The following ESRRG variants were observed in gnomAD, a reference collection of about 807,000 sequenced individuals.
The protein encoded by ESRRG is estrogen related receptor gamma.
A neutral mutation model predicts 44.0 loss-of-function variants in ESRRG; 13 were observed. The observed-to-expected ratio is 0.30, with a 90% CI of 0.19 to 0.47. ESRRG has a LOEUF of 0.47. Ranked by LOEUF, ESRRG falls within the 20% of genes least tolerant of loss-of-function variation. The probability of loss-of-function intolerance (pLI) is 1.00; values close to 1 mark genes in which losing one functional copy is unlikely to be tolerated. For synonymous variants in ESRRG, 215 were observed against 214.6 expected, an observed-to-expected ratio of 1.00 and a Z score of -0.02; for missense variants, 395 against 580.6, an observed-to-expected ratio of 0.68 and a Z score of 3.29.
intron 2 of ESRRG, among the ~76,000 whole-genome samples, chr1:216,770,451 A>G (rs1032993961): frequency 2.6e-5 from 4 of 152,072 alleles, no homozygotes; most frequent in Non-Finnish European, 4.4e-5. Context: ...AGCATGAGCC[A>G]AGGCCTTTTA....
intron 2 of ESRRG, among the ~76,000 whole-genome samples, chr1:216,740,988 A>C (rs957462158): frequency 2.0e-5 from 3 of 151,816 alleles, no homozygotes; most frequent in East Asian, 1.9e-4. Flanking sequence ...TTCTCAGATA[A>C]ATTTTTTAAA....
intron 1 of ESRRG, among the ~76,000 whole-genome samples, chr1:217,068,910 T>C (rs928651535): frequency 6.6e-6 from 1 of 152,202 alleles, no homozygotes; most frequent in Admixed American, 6.5e-5. Context: ...AAAAGAATAA[T>C]TGGGCAGTTC....
chr1:217,006,075 T>C (rs2077695710), intron 1 of ESRRG, among the ~76,000 whole-genome samples: 1 of 152,140 alleles, frequency 6.6e-6, no homozygotes, highest in South Asian at 2.1e-4. Context: ...ATAGAATGGC[T>C]TTGAACTCAT....
rs796576720 is a variant in ESRRG at position 216,600,664 on chromosome 1, TA to T, written c.590-32567del. On this transcript the variant is annotated intron_variant, in intron 3 of 6. Transcript: ENST00000408911. Reference sequence around the variant, plus strand: ...ATTAGTTATTTTAAAAATAAAGTCTTAAAAAAAAATCCCAAATAAATAAATC... The same window carrying T: ...ATTAGTTATTTTAAAAATAAAGTCTTAAAAAAAATCCCAAATAAATAAATC... Among the ~76,000 whole-genome samples, 496 of 151,628 alleles carry T rather than the reference TA, an allele frequency of 3.3e-3. 3 individuals carry two copies. The highest frequency in any genetic ancestry group is 0.011 in the African/African-American group (472 of 41,350).
intron 3 of ESRRG, among the ~76,000 whole-genome samples, chr1:216,615,286 G>T (rs141957362): frequency 5.8e-4 from 89 of 152,250 alleles, no homozygotes; most frequent in African/African-American, 2.1e-3. Context: ...TGCTTACAAA[G>T]AACAAAAATA....
At chr1:216,568,180 G>C (rs2060024436) in intron 3 of ESRRG, 82 bp from the exon 4 acceptor site, 12 of 928,732 alleles carry the variant, frequency 1.3e-5, no homozygotes, top group Non-Finnish European at 5.4e-6. Flanking sequence ...TATCCCCCAA[G>C]AGCACATAGG....
At chr1:216,580,756 A>G (rs1335964) in intron 3 of ESRRG, among the ~76,000 whole-genome samples, 126,268 of 152,128 alleles carry the variant, frequency 0.83, 52,730 homozygotes, top group African/African-American at 0.87. Flanking sequence ...TTCAGAGTCC[A>G]ACAACTGCCC....
At chr1:216,686,360 C>T (rs2077950573) in intron 1 of ESRRG, among the ~76,000 whole-genome samples, 1 of 140,278 alleles carries the variant, frequency 7.1e-6, no homozygotes, top group Middle Eastern at 4.1e-3. Flanking sequence ...GGGAAAATAA[C>T]ATATATCTGC....
At chr1:216,597,660 A>G (rs2058635882) in intron 3 of ESRRG, among the ~76,000 whole-genome samples, 1 of 152,214 alleles carries the variant, frequency 6.6e-6, no homozygotes, top group Non-Finnish European at 1.5e-5. Flanking sequence ...ATAACTGCAG[A>G]AAGTTCTATT....
intron 1 of ESRRG, among the ~76,000 whole-genome samples, chr1:217,106,302 C>G (rs2092595261): frequency 1.3e-5 from 2 of 151,878 alleles, no homozygotes; most frequent in Admixed American, 1.3e-4. Flanking sequence ...AAGGTCAGAC[C>G]TCTTCTAGGT....
chr1:216,632,548 A>G (rs1574452320), intron 3 of ESRRG, among the ~76,000 whole-genome samples: 2 of 152,290 alleles, frequency 1.3e-5, no homozygotes, highest in East Asian at 3.9e-4. Flanking sequence ...AAAAATTAAT[A>G]TATTTTGGTG....
At chr1:216,592,075 C>T (rs750275132) in intron 3 of ESRRG, among the ~76,000 whole-genome samples, 3 of 152,172 alleles carry the variant, frequency 2.0e-5, no homozygotes, top group Non-Finnish European at 4.4e-5. Context: ...CTGTGATATT[C>T]CTGCCAAAGA....
intron 1 of ESRRG, among the ~76,000 whole-genome samples, chr1:216,950,260 A>G (rs1187476915): frequency 1.3e-5 from 2 of 152,334 alleles, no homozygotes. Context: ...TGAATGAACT[A>G]CTAGAGATGA....
chr1:216,527,558 T>G (rs2048046326), intron 5 of ESRRG, among the ~76,000 whole-genome samples: 3 of 152,146 alleles, frequency 2.0e-5, no homozygotes, highest in Admixed American at 2.0e-4. Context: ...AATTCCTCCA[T>G]GGATGTCCTA....
chr1:216,523,854 A>T (rs1269488640), intron 5 of ESRRG, among the ~76,000 whole-genome samples: 1 of 151,958 alleles, frequency 6.6e-6, no homozygotes, highest in Non-Finnish European at 1.5e-5. Context: ...CACAAAAAAA[A>T]AAAAAATCAA....
intron 2 of ESRRG, among the ~76,000 whole-genome samples, chr1:216,737,844 A>C (rs1423813320): frequency 6.6e-6 from 1 of 152,188 alleles, no homozygotes; most frequent in Non-Finnish European, 1.5e-5. Context: ...ATAAGATAAC[A>C]TAAATCCAAG....
intron 1 of ESRRG, among the ~76,000 whole-genome samples, chr1:217,019,833 A>G (rs1008609750): frequency 1.3e-5 from 2 of 152,196 alleles, no homozygotes; most frequent in South Asian, 2.1e-4. Context: ...GCTCTTGTTT[A>G]TTGAACAAAA....
intron 1 of ESRRG, among the ~76,000 whole-genome samples, chr1:217,022,431 G>C (rs1209884999): frequency 6.6e-6 from 1 of 152,218 alleles, no homozygotes; most frequent in African/African-American, 2.4e-5. Context: ...GTTATGACAG[G>C]ATTCCCATAT....
intron 2 of ESRRG, among the ~76,000 whole-genome samples, chr1:216,671,812 T>C (rs1298888314): frequency 6.6e-6 from 1 of 152,224 alleles, no homozygotes; most frequent in Admixed American, 6.5e-5. Context: ...GGCTATATTA[T>C]CTACACAAAG....
Sources: gnomAD v4.1 joint callset for allele counts (sites outside exome capture counted in the v4.1 genomes callset) on GRCh38, gnomAD v4.1.1 for gene constraint, MANE v1.5 for transcripts, NCBI Gene and HGNC (gene_info 2026-07-23, HGNC 2026-07-21) for gene names.